Variants in SHROOM2 observed in about 807,000 individuals in gnomAD.
SHROOM2 encodes the protein protein Shroom2.
In SHROOM2, 33 loss-of-function variants were observed where a neutral mutation model predicts 75.9. The observed-to-expected ratio is 0.43, with a 90% CI of 0.33 to 0.58. SHROOM2 has a LOEUF of 0.58. SHROOM2 is among the 20% of genes least tolerant of loss of function. SHROOM2 has a pLI of 0.04. For missense variants in SHROOM2, 1,434 were observed against 1,461.2 expected (o/e 0.98, Z 0.30); for synonymous variants, 655 against 663.6 (o/e 0.99, Z 0.20).
At chrX:9,933,039 G>A (rs1314044659) in intron 6 of SHROOM2, among the ~76,000 whole-genome samples, 169 bp downstream of exon 6, 1 of 111,483 alleles carries the variant, frequency 9.0e-6, no homozygotes, top group Non-Finnish European at 1.9e-5. Flanking sequence ...AGCTTCAGTG[G>A]TGGTTGGATT....
Position 9,937,660 on chromosome X carries a change from C to A in SHROOM2, c.4114C>A (p.Pro1372Thr). 8.3e-7 allele frequency: 1 copy of A among 1,198,748 alleles called. No individual in the cohort carries two copies. The highest frequency in any genetic ancestry group is 1.1e-6 in the Non-Finnish European group (1 of 888,863). Residue 1372 changes from proline to threonine, a missense_variant, in exon 7 of 10, where the codon CCC (proline) becomes ACC (threonine). Physicochemically the swap from Pro to Thr is conservative, Grantham distance 38. Transcript: ENST00000380913. ...ACGGAGGAAGCTGCTCCCCAAAATCCCCTCTCCTAGAAGCACAGAGGAGAG... is the reference window on the plus strand; with the variant it reads ...ACGGAGGAAGCTGCTCCCCAAAATCACCTCTCCTAGAAGCACAGAGGAGAG... ...QQRRKLLPKI[P>T]SPRSTEERKE...
chrX:9,815,434 ATGTG>A (rs56223508), intron 1 of SHROOM2, among the ~76,000 whole-genome samples: 4,102 of 88,648 alleles, frequency 0.046, 256 homozygotes, highest in African/African-American at 0.16. Context: ...TATACATATT[ATGTG>A]TGTGTGTGTG....
chrX:9,792,159 T>TAAAAAAAGAAAAGAA (rs1240744489), intron 1 of SHROOM2, among the ~76,000 whole-genome samples: 168 of 7,395 alleles, frequency 0.023, 53 homozygotes, highest in Admixed American at 0.047. Flanking sequence ...TAGAATAGAA[T>TAAAAAAAGAAAAGAA]AATCACCAGT....
rs2084824917 is a variant in SHROOM2 at position 9,946,848 on chromosome X, G to A, written c.4762G>A (p.Glu1588Lys). Residue 1588 changes from glutamate to lysine, a missense_variant, in exon 10 of 10, where the codon GAG (glutamate) becomes AAG (lysine). Transcript: ENST00000380913. ...GAAGATGAAGTCGGCCCTCATCATCGAGCAGCGGGAGCTGGAAGATAAAAT... is the reference window on the plus strand; with the variant it reads ...GAAGATGAAGTCGGCCCTCATCATCAAGCAGCGGGAGCTGGAAGATAAAAT... ...FVKMKSALII[E>K]QRELEDKIHL... 1 of 1,198,353 alleles carries A rather than the reference G, an allele frequency of 8.3e-7. No homozygotes were observed. The highest frequency in any genetic ancestry group is 1.1e-6 in the Non-Finnish European group (1 of 888,380).
intron 1 of SHROOM2, among the ~76,000 whole-genome samples, chrX:9,858,942 G>A (rs1484750320): frequency 9.0e-6 from 1 of 111,696 alleles, no homozygotes; most frequent in Admixed American, 9.5e-5. Flanking sequence ...GGCCGGGCGC[G>A]GTGGCTCATG....
chrX:9,885,282 A>G (rs1013603388), intron 2 of SHROOM2, among the ~76,000 whole-genome samples: 5 of 109,744 alleles, frequency 4.6e-5, no homozygotes, highest in African/African-American at 1.7e-4. Context: ...CCTTCAGTCT[A>G]CTCAAGTCCT....
chrX:9,886,691 A>G, intron 2 of SHROOM2, among the ~76,000 whole-genome samples: 1 of 110,067 alleles, frequency 9.1e-6, no homozygotes, highest in Admixed American at 9.8e-5. Flanking sequence ...GTTGAATCAT[A>G]CAGCATTTGT....
In SHROOM2 at chrX:9,786,467, C is replaced by T; in HGVS notation, c.-79C>T. The stretch of plus-strand genomic sequence containing the variant: ...GTTACGGCGCAAGTTCTGCGGCGCT[C>T]GGAGCCTCCCTTGCGATCCCACGGC... On this transcript the variant is annotated 5_prime_UTR_variant, in exon 1 of 10. Transcript: ENST00000380913. The T allele has an allele frequency of 1.3e-6, 1 of 750,833 alleles. No individual in the cohort carries two copies. The highest frequency in any genetic ancestry group is 2.2e-5 in the African/African-American group (1 of 44,726). 61.9% of individuals were successfully genotyped at this position (750,833 alleles called of 1,213,427 possible). A position where few individuals can be genotyped will look rare whatever the true frequency, so the allele number is the denominator to read the frequency against.
At chrX:9,909,132 T>C (rs1285759933) in intron 5 of SHROOM2, among the ~76,000 whole-genome samples, 4 of 110,447 alleles carry the variant, frequency 3.6e-5, no homozygotes, top group South Asian at 3.9e-4. Context: ...GAGTATCTTA[T>C]AGTGCCAGAA....
At chrX:9,874,442 C>T (rs1048662085) in intron 2 of SHROOM2, among the ~76,000 whole-genome samples, 2 of 112,387 alleles carry the variant, frequency 1.8e-5, no homozygotes, top group Non-Finnish European at 3.8e-5. Flanking sequence ...TTAAAGTTGG[C>T]TTATTAACAG....
intron 1 of SHROOM2, among the ~76,000 whole-genome samples, chrX:9,823,188 C>CTCCTCCTCCTTCTCCTCT (rs2083868922): frequency 1.3e-5 from 1 of 79,671 alleles, no homozygotes; most frequent in South Asian, 6.4e-4. Flanking sequence ...TCTTCTCCTC[C>CTCCTCCTCCTTCTCCTCT]TCCTCCTCCT....
At chrX:9,867,518 A>C (rs1392942050) in intron 1 of SHROOM2, among the ~76,000 whole-genome samples, 1 of 111,849 alleles carries the variant, frequency 8.9e-6, no homozygotes, top group Admixed American at 9.5e-5. Context: ...TAATCGGTGC[A>C]GTGCCAAGTG....
rs1298923353 is a variant in SHROOM2 at position 9,937,210 on chromosome X, GAGA to G, written c.3667_3669del (p.Lys1223del). ...GATCGTGCACTCGGAGAGCCAGCCA[GAGA>G]AGGAGAGCCGCCAGAGCCTGGCATG... is the stretch of plus-strand genomic sequence containing the variant. On this transcript the variant is annotated inframe_deletion, in exon 7 of 10. Transcript: ENST00000380913. 8.3e-7 allele frequency: 1 copy of G among 1,204,188 alleles called. No individual in the cohort carries two copies. Among genetic ancestry groups the G allele is most frequent in the African/African-American group, 1.7e-5 (1 of 57,363 alleles).
Position 9,947,125 on chromosome X carries a change from C to T in SHROOM2, c.*188C>T, listed in dbSNP as rs886128. On this transcript the variant is annotated 3_prime_UTR_variant, in exon 10 of 10. Transcript: ENST00000380913. ...GATTTATTTAATTTTTTAGTTTCCCCTTTGATTGCTGAGAGCCATTTTCCT... is the reference window on the plus strand; with the variant it reads ...GATTTATTTAATTTTTTAGTTTCCCTTTTGATTGCTGAGAGCCATTTTCCT... 152,324 of 474,881 alleles carry T rather than the reference C, an allele frequency of 0.32. 21,268 individuals carry two copies. Among genetic ancestry groups the T allele is most frequent in the African/African-American group, 0.7 (28,890 of 41,020 alleles). The allele number at this position is 474,881 out of a possible 1,213,427, so 39.1% of individuals were successfully genotyped here. A position where few individuals can be genotyped will look rare whatever the true frequency, so the allele number is the denominator to read the frequency against.
At chrX:9,876,565 G>A (rs1482391462) in intron 2 of SHROOM2, among the ~76,000 whole-genome samples, 2 of 112,297 alleles carry the variant, frequency 1.8e-5, no homozygotes, top group African/African-American at 6.5e-5. Context: ...TTTATGTAGA[G>A]CTCCAGGATG....
At chrX:9,914,072 C>G (rs1213359130) in intron 5 of SHROOM2, among the ~76,000 whole-genome samples, 1 of 86,064 alleles carries the variant, frequency 1.2e-5, no homozygotes, top group Non-Finnish European at 2.3e-5. Flanking sequence ...CCCCTGCCCC[C>G]CCGCCCCTCC....
intron 1 of SHROOM2, among the ~76,000 whole-genome samples, chrX:9,806,354 A>G (rs1212281219): frequency 9.1e-6 from 1 of 110,166 alleles, no homozygotes; most frequent in Non-Finnish European, 1.9e-5. Flanking sequence ...ATGTTTCGAG[A>G]TAACATTTCA....
At chrX:9,918,012 T>C (rs2239421) in intron 5 of SHROOM2, among the ~76,000 whole-genome samples, 13,051 of 111,385 alleles carry the variant, frequency 0.12, 680 homozygotes, top group East Asian at 0.36. Context: ...TAGTATGGAA[T>C]CCTCTCCTAG....
chrX:9,788,878 A>G (rs1212020237), intron 1 of SHROOM2, among the ~76,000 whole-genome samples: 1 of 110,540 alleles, frequency 9.0e-6, no homozygotes, highest in Non-Finnish European at 1.9e-5. Context: ...GATGACAAAA[A>G]TGTCTCCAGA....
Sources: gnomAD v4.1 joint callset for allele counts (sites outside exome capture counted in the v4.1 genomes callset) on GRCh38, gnomAD v4.1.1 for gene constraint, MANE v1.5 for transcripts, NCBI Gene and HGNC (gene_info 2026-07-23, HGNC 2026-07-21) for gene names.